The following MARCHF11 variants were observed in gnomAD, a reference collection of about 807,000 sequenced individuals.
MARCHF11 encodes the protein membrane associated ring-CH-type finger 11.
MARCHF11 carries 29 observed loss-of-function variants against 37.3 expected under a neutral mutation model. The observed-to-expected ratio is 0.78, with a 90% CI of 0.58 to 1.06. MARCHF11 has a LOEUF of 1.06. MARCHF11 is among the 50% of genes least tolerant of loss of function. The pLI is 0.00. For missense variants in MARCHF11, 482 were observed against 533.4 expected, an observed-to-expected ratio of 0.90 and a Z score of 0.95; for synonymous variants, 233 against 228.0, an observed-to-expected ratio of 1.02 and a Z score of -0.20.
At chr5:16,091,404 G>A (rs987920290) in intron 2 of MARCHF11, among the ~76,000 whole-genome samples, 4 of 152,124 alleles carry the variant, frequency 2.6e-5, no homozygotes, top group Middle Eastern at 3.2e-3. Flanking sequence ...ATGCATGCAC[G>A]AAATTAAATA....
chr5:16,158,287 T>C (rs895245221), intron 2 of MARCHF11, among the ~76,000 whole-genome samples: 47 of 151,948 alleles, frequency 3.1e-4, no homozygotes, highest in African/African-American at 1.1e-3. Context: ...AAATTAAAAA[T>C]AGAACTGCTG....
At chr5:16,146,716 T>C (rs766481445) in intron 2 of MARCHF11, among the ~76,000 whole-genome samples, 1 of 152,172 alleles carries the variant, frequency 6.6e-6, no homozygotes, top group African/African-American at 2.4e-5. Flanking sequence ...TTTAAGTCGG[T>C]GGCACAGTAG....
intron 2 of MARCHF11, among the ~76,000 whole-genome samples, chr5:16,120,785 T>C (rs893453828): frequency 2.6e-5 from 4 of 152,124 alleles, no homozygotes; most frequent in African/African-American, 9.7e-5. Context: ...AAATAACTTC[T>C]TGGAGGATGA....
At chr5:16,119,610 C>A (rs1737279884) in intron 2 of MARCHF11, among the ~76,000 whole-genome samples, 1 of 151,950 alleles carries the variant, frequency 6.6e-6, no homozygotes, top group South Asian at 2.1e-4. Context: ...TTTTCAAAAT[C>A]TCCAGAGCCA....
chr5:16,097,062 A>G (rs1736880669), intron 2 of MARCHF11, among the ~76,000 whole-genome samples: 1 of 152,228 alleles, frequency 6.6e-6, no homozygotes, highest in African/African-American at 2.4e-5. Context: ...GCGCTATGAC[A>G]GGTGGGATCA....
At chr5:16,178,952 T>C (rs1015898043) in intron 1 of MARCHF11, 87 bp downstream of exon 1, 2 of 1,322,650 alleles carry the variant, frequency 1.5e-6, no homozygotes, top group African/African-American at 1.5e-5. Context: ...AACTGGGAGG[T>C]AGGCGTGCGC....
At chr5:16,124,254 G>C (rs562684953) in intron 2 of MARCHF11, among the ~76,000 whole-genome samples, 1 of 152,236 alleles carries the variant, frequency 6.6e-6, no homozygotes, top group East Asian at 1.9e-4. Flanking sequence ...AGAACCTAAG[G>C]GTTCTGAACA....
intron 2 of MARCHF11, among the ~76,000 whole-genome samples, chr5:16,091,439 C>T (rs1736790035): frequency 6.6e-6 from 1 of 152,152 alleles, no homozygotes; most frequent in South Asian, 2.1e-4. Flanking sequence ...ATGGTGAGAA[C>T]TTCTCTATCT....
chr5:16,105,684 G>C (rs1737027705), intron 2 of MARCHF11, among the ~76,000 whole-genome samples: 1 of 152,176 alleles, frequency 6.6e-6, no homozygotes, highest in Admixed American at 6.5e-5. Flanking sequence ...AAGGTAACAT[G>C]GACTCTGGGG....
At chr5:16,089,155 C>T (rs1297121699) in intron 3 of MARCHF11, among the ~76,000 whole-genome samples, 1 of 151,620 alleles carries the variant, frequency 6.6e-6, no homozygotes, top group Non-Finnish European at 1.5e-5. Context: ...AGTGTTTATA[C>T]TGAGGGCAAG....
intron 2 of MARCHF11, among the ~76,000 whole-genome samples, chr5:16,100,393 T>C (rs1736935848): frequency 6.6e-6 from 1 of 152,138 alleles, no homozygotes; most frequent in African/African-American, 2.4e-5. Flanking sequence ...GCAAAAGGAA[T>C]ACCAGACCAG....
At chr5:16,155,335 C>T (rs929663055) in intron 2 of MARCHF11, among the ~76,000 whole-genome samples, 3 of 151,632 alleles carry the variant, frequency 2.0e-5, no homozygotes, top group Admixed American at 1.3e-4. Flanking sequence ...CGATTACCAC[C>T]AGGAGGCAAA....
At chr5:16,105,092 T>C (rs1737016697) in intron 2 of MARCHF11, among the ~76,000 whole-genome samples, 2 of 152,246 alleles carry the variant, frequency 1.3e-5, no homozygotes, top group South Asian at 2.1e-4. Flanking sequence ...CGAAGTCTGA[T>C]GGAAGAATAA....
intron 2 of MARCHF11, among the ~76,000 whole-genome samples, chr5:16,104,204 G>A (rs79016155): frequency 9.1e-4 from 139 of 151,996 alleles, no homozygotes; most frequent in African/African-American, 2.8e-3. Context: ...GCCCCTTTCC[G>A]CTCTATAATT....
chr5:16,067,414 T>A lies in MARCHF11; in HGVS notation c.*57A>T. The stretch of plus-strand genomic sequence containing the variant: ...GAAGTGCTATGGTTTTGCCATTCAC[T>A]GCAATTACATTGCAAAATGTGCAGG... On this transcript the variant is annotated 3_prime_UTR_variant, in exon 4 of 4. Transcript: ENST00000332432. 1 of 1,515,858 alleles carries A rather than the reference T, an allele frequency of 6.6e-7. No individual in the cohort carries two copies. The highest frequency in any genetic ancestry group is 9.0e-7 in the Non-Finnish European group (1 of 1,109,124). The allele number at this position is 1,515,858 out of a possible 1,614,324, so 93.9% of individuals were successfully genotyped here. A position where few individuals can be genotyped will look rare whatever the true frequency, so the allele number is the denominator to read the frequency against.
intron 2 of MARCHF11, among the ~76,000 whole-genome samples, chr5:16,174,788 G>C (rs1380656319): frequency 6.6e-6 from 1 of 152,126 alleles, no homozygotes; most frequent in African/African-American, 2.4e-5. Context: ...GGTCAGGAAG[G>C]CATGGCCATT....
chr5:16,096,329 G>A (rs549006324), intron 2 of MARCHF11, among the ~76,000 whole-genome samples: 4 of 152,284 alleles, frequency 2.6e-5, no homozygotes, highest in African/African-American at 7.2e-5. Flanking sequence ...ATTTTAACAC[G>A]AAGACGACAA....
chr5:16,073,396 A>G (rs1284164881), intron 3 of MARCHF11, among the ~76,000 whole-genome samples: 1 of 152,170 alleles, frequency 6.6e-6, no homozygotes, highest in African/African-American at 2.4e-5. Flanking sequence ...GAGTTGTGGA[A>G]ACTTAGATGT....
At chr5:16,160,820 G>A (rs1391563248) in intron 2 of MARCHF11, among the ~76,000 whole-genome samples, 2 of 151,510 alleles carry the variant, frequency 1.3e-5, no homozygotes, top group East Asian at 3.9e-4. Flanking sequence ...TTCCAAAAAG[G>A]TGAAAAAAAA....
Sources: allele counts gnomAD v4.1 joint callset (sites outside exome capture counted in the v4.1 genomes callset), GRCh38; gene constraint gnomAD v4.1.1; transcripts MANE v1.5; gene names NCBI Gene and HGNC (gene_info 2026-07-23, HGNC 2026-07-21).